The following NVL variants were observed in gnomAD, a reference collection of about 807,000 sequenced individuals.
NVL encodes the protein nuclear valosin-containing protein-like.
In NVL, 84 loss-of-function variants were observed where a neutral mutation model predicts 110.2. The ratio of observed to expected loss-of-function variants is 0.76; its 90% CI spans 0.64 to 0.91. The LOEUF is 0.91. NVL is among the 40% of genes least tolerant of loss of function. The pLI, the probability that NVL is intolerant of heterozygous loss-of-function variation, is 0.00. For missense variants in NVL, 882 were observed against 1,035.9 expected (o/e 0.85, Z 2.04); for synonymous variants, 354 against 361.1 (o/e 0.98, Z 0.22).
At chr1:224,254,574 T>TG (rs1349329175) in intron 18 of NVL, among the ~76,000 whole-genome samples, 3 of 142,952 alleles carry the variant, frequency 2.1e-5, no homozygotes, top group African/African-American at 5.0e-5. Context: ...TTTTTTTTGT[T>TG]TTTTTTTTTT....
intron 9 of NVL, among the ~76,000 whole-genome samples, 196 bp from the exon 10 acceptor site, chr1:224,300,859 C>T: frequency 6.6e-6 from 1 of 152,108 alleles, no homozygotes; most frequent in East Asian, 1.9e-4. Context: ...AATCCCACTA[C>T]TTTGGGAGGC....
chr1:224,263,453 C>G (rs1664178401), intron 18 of NVL, among the ~76,000 whole-genome samples: 1 of 152,176 alleles, frequency 6.6e-6, no homozygotes, highest in African/African-American at 2.4e-5. Context: ...TTATTTTCAT[C>G]TCCTTGAACA....
chr1:224,326,688 A>T (rs1489896375), intron 1 of NVL, among the ~76,000 whole-genome samples: 1 of 152,224 alleles, frequency 6.6e-6, no homozygotes, highest in East Asian at 1.9e-4. Context: ...TAATTATCAG[A>T]ATAGTTATAA....
At chr1:224,306,535 G>A (rs1165572038) in intron 6 of NVL, among the ~76,000 whole-genome samples, 1 of 152,082 alleles carries the variant, frequency 6.6e-6, no homozygotes, top group African/African-American at 2.4e-5. Flanking sequence ...CAAAGTGCTG[G>A]GAATACAGGT....
In NVL at chr1:224,229,700, A is replaced by G. The variant is rs181048397; in HGVS notation, c.2526+1526T>C. Among the ~76,000 whole-genome samples the G allele has an allele frequency of 2.5e-3, 383 of 152,242 alleles. 1 individual carries two copies. Among genetic ancestry groups the G allele is most frequent in the African/African-American group, 8.4e-3 (349 of 41,556 alleles). On this transcript the variant is annotated intron_variant, in intron 22 of 22. Transcript: ENST00000281701. ...CCTGACTTCGTGATCTGCCCGCCTC[A>G]GCCTCCCAAAGTGCTGGGATTACAG...
chr1:224,295,445 C>G (rs1667786463), intron 11 of NVL, among the ~76,000 whole-genome samples: 1 of 151,976 alleles, frequency 6.6e-6, no homozygotes, highest in African/African-American at 2.4e-5. Context: ...CCTGATCCAC[C>G]CACCTCGGCC....
rs1208775137 is a variant in NVL, at chr1:224,236,525, G to A, written c.2347C>T (p.Leu783Phe). 6.2e-7 allele frequency: 1 copy of A among 1,613,600 alleles called. No individual in the cohort carries two copies. The highest frequency in any genetic ancestry group is 1.7e-5 in the Admixed American group (1 of 60,016). The change falls in exon 20 of 23, where the codon CTT (leucine) becomes TTT (phenylalanine). Residue 783 changes from leucine (L) to phenylalanine (F), a missense_variant. Transcript: ENST00000281701. ...DVNLEAIAGDLRCDCYTGADL... is the reference protein window; with the variant it reads ...DVNLEAIAGDFRCDCYTGADL... ...ACTTACGTATAGCAATCACAGCGAAGGTCACCAGCAATTGCTTCCAAATTT... is the reference window on the plus strand; with the variant it reads ...ACTTACGTATAGCAATCACAGCGAAAGTCACCAGCAATTGCTTCCAAATTT...
chr1:224,227,594 G>T lies in NVL; in HGVS notation c.*32C>A. 1 of 1,598,788 alleles carries T rather than the reference G, an allele frequency of 6.3e-7. No homozygotes were observed. The highest frequency in any genetic ancestry group is 1.1e-5 in the South Asian group (1 of 89,794). On this transcript the variant is annotated 3_prime_UTR_variant, in exon 23 of 23. Transcript: ENST00000281701. Reference sequence around the variant, plus strand: ...TGGGGGATTCTCTGCCGGCTTGATGGGCTAGCTCCTCTAAGCCGGCTGCTG... The same window carrying T: ...TGGGGGATTCTCTGCCGGCTTGATGTGCTAGCTCCTCTAAGCCGGCTGCTG...
At chr1:224,229,490 A>G (rs747542237) in intron 22 of NVL, among the ~76,000 whole-genome samples, 1 of 151,632 alleles carries the variant, frequency 6.6e-6, no homozygotes, top group Non-Finnish European at 1.5e-5. Context: ...GCTGGAGTGC[A>G]GTGGTGCAAT....
At chr1:224,295,967 A>G (rs911064401) in intron 11 of NVL, among the ~76,000 whole-genome samples, 2 of 150,426 alleles carry the variant, frequency 1.3e-5, no homozygotes, top group Non-Finnish European at 3.0e-5. Context: ...TCTCAAAAAA[A>G]AAAAAAAAAA....
rs554256710 is a variant in NVL at position 224,261,967 on chromosome 1, A to G, written c.2182+6067T>C. ...TAGAGTGAGACCCTGTCTCAAAAAT[A>G]CAAATAAATAAATTAAATAAAAGAA... On this transcript the variant is annotated intron_variant, in intron 18 of 22. Coordinates refer to ENST00000281701, the MANE Select transcript of NVL (RefSeq NM_002533.4). 3.3e-5 allele frequency among the ~76,000 whole-genome samples: 5 copies of G among 152,284 alleles called. No individual in the cohort carries two copies. In the South Asian group the frequency reaches 1.0e-3, roughly 32 times the overall value.
At position 224,265,911 on chromosome 1, in the gene NVL, G is replaced by A. The variant is rs537132440; in HGVS notation, c.2182+2123C>T. ...ACCTCGTAAAGTGCTAGGATTACAG[G>A]CATAAGCCACCATGCCCAGCTTGGC... On this transcript the variant is annotated intron_variant, in intron 18 of 22. Coordinates refer to ENST00000281701, the MANE Select transcript of NVL (RefSeq NM_002533.4). Among the ~76,000 whole-genome samples the A allele has an allele frequency of 3.3e-5, 5 of 152,260 alleles. No homozygotes were observed. In the South Asian group the frequency reaches 1.0e-3, roughly 32 times the overall value.
At chr1:224,249,463 G>A (rs1385962518) in intron 19 of NVL, among the ~76,000 whole-genome samples, 2 of 152,030 alleles carry the variant, frequency 1.3e-5, no homozygotes, top group Non-Finnish European at 2.9e-5. Context: ...GGTCTTGCGG[G>A]GTCTGGTGCG....
intron 4 of NVL, among the ~76,000 whole-genome samples, chr1:224,314,752 C>T (rs1669898117): frequency 6.6e-6 from 1 of 152,160 alleles, no homozygotes; most frequent in African/African-American, 2.4e-5. Context: ...ATATGACAGA[C>T]ATTCCAAAAA....
intron 16 of NVL, among the ~76,000 whole-genome samples, chr1:224,278,218 C>T (rs898338001): frequency 2.0e-5 from 3 of 146,982 alleles, no homozygotes; most frequent in African/African-American, 5.0e-5. Flanking sequence ...CTCATTAGAT[C>T]ATCTAATCTT....
chr1:224,310,513 C>T (rs531883071), intron 5 of NVL, among the ~76,000 whole-genome samples: 1 of 152,208 alleles, frequency 6.6e-6, no homozygotes, highest in Middle Eastern at 3.4e-3. Flanking sequence ...TTCTTGTCTG[C>T]CCTTATTTCT....
At chr1:224,289,415 C>G in intron 13 of NVL, 69 bp downstream of exon 13, 1 of 1,524,648 alleles carries the variant, frequency 6.6e-7, no homozygotes, top group South Asian at 1.2e-5. Flanking sequence ...TTGTATTGAC[C>G]CTTGCTTCAA....
intron 19 of NVL, among the ~76,000 whole-genome samples, chr1:224,247,490 G>A (rs1360317773): frequency 6.6e-6 from 1 of 151,920 alleles, no homozygotes; most frequent in Admixed American, 6.6e-5. Flanking sequence ...CCAACGTGGT[G>A]AAACCCCGTC....
At chr1:224,290,107 C>T (rs957576131) in intron 12 of NVL, among the ~76,000 whole-genome samples, 4 of 152,184 alleles carry the variant, frequency 2.6e-5, no homozygotes, top group Non-Finnish European at 4.4e-5. Flanking sequence ...CCCACATACA[C>T]ACAAACCATT....
Sources: gnomAD v4.1 joint callset for allele counts (sites outside exome capture counted in the v4.1 genomes callset) on GRCh38, gnomAD v4.1.1 for gene constraint, MANE v1.5 for transcripts, NCBI Gene and HGNC (gene_info 2026-07-23, HGNC 2026-07-21) for gene names.